The following GXYLT2 variants were observed in gnomAD, a reference collection of about 807,000 sequenced individuals.
GXYLT2 encodes the protein glycosyltransferase 8 domain containing 4.
A neutral mutation model predicts 45.8 loss-of-function variants in GXYLT2; 53 were observed. The observed-to-expected ratio is 1.16, with a 90% CI of 0.93 to 1.46. The LOEUF (loss-of-function observed/expected upper bound fraction) is 1.46, where lower values mean the gene tolerates loss of function less well. Ranked by LOEUF, GXYLT2 falls within the 40% of genes most tolerant of loss-of-function variation. The probability of loss-of-function intolerance (pLI) is 0.00; values close to 1 mark genes in which losing one functional copy is unlikely to be tolerated. For missense variants in GXYLT2, 551 were observed against 544.4 expected (o/e 1.01, Z -0.12); for synonymous variants, 219 against 214.2 (o/e 1.02, Z -0.19).
chr3:72,976,308 A>G lies in GXYLT2; in HGVS notation c.*1149A>G, dbSNP rs1044472629. 2.0e-5 allele frequency: 3 copies of G among 152,196 alleles called. No homozygotes were observed. Among genetic ancestry groups the G allele is most frequent in the Non-Finnish European group, 4.4e-5 (3 of 68,032 alleles). The allele number at this position is 152,196 out of a possible 1,614,324, so 9.4% of individuals were successfully genotyped here. A position where few individuals can be genotyped will look rare whatever the true frequency, so the allele number is the denominator to read the frequency against. On this transcript the variant is annotated 3_prime_UTR_variant, in exon 7 of 7. Transcript: ENST00000389617. ...AATCATAATACATTTCTATGCAACA[A>G]TAGCTTCTGAGAGGAAATTCAGGAA... is the stretch of plus-strand genomic sequence containing the variant.
intron 5 of GXYLT2, among the ~76,000 whole-genome samples, chr3:72,962,194 T>C (rs1427759168): frequency 2.6e-5 from 4 of 152,208 alleles, no homozygotes; most frequent in African/African-American, 9.6e-5. Context: ...CATTGTGGGA[T>C]TGACAAGCCC....
At chr3:72,962,508 G>A (rs1710788582) in intron 5 of GXYLT2, among the ~76,000 whole-genome samples, 1 of 152,160 alleles carries the variant, frequency 6.6e-6, no homozygotes, top group African/African-American at 2.4e-5. Flanking sequence ...GAAAAGAGAA[G>A]TTCAGGAGAG....
chr3:72,895,841 C>A (rs1407600506), intron 1 of GXYLT2, among the ~76,000 whole-genome samples: 1 of 152,170 alleles, frequency 6.6e-6, no homozygotes, highest in Non-Finnish European at 1.5e-5. Context: ...TGATATATTT[C>A]AAGTGACTTT....
At chr3:72,904,896 A>T (rs1277591614) in intron 1 of GXYLT2, among the ~76,000 whole-genome samples, 6 of 95,488 alleles carry the variant, frequency 6.3e-5, no homozygotes, top group South Asian at 3.9e-4. Context: ...AAAAAAAAAA[A>T]AATTAACCAG....
At chr3:72,952,945 C>A (rs182097904) in intron 3 of GXYLT2, among the ~76,000 whole-genome samples, 1 of 152,218 alleles carries the variant, frequency 6.6e-6, no homozygotes, top group Admixed American at 6.5e-5. Context: ...CAGGAAGATT[C>A]AAATCCTTCC....
At chr3:72,899,877 T>C (rs1209636750) in intron 1 of GXYLT2, among the ~76,000 whole-genome samples, 1 of 152,176 alleles carries the variant, frequency 6.6e-6, no homozygotes, top group Non-Finnish European at 1.5e-5. Context: ...TCTTCTACCA[T>C]TTTTCCCCCA....
chr3:72,898,332 C>T (rs193087786), intron 1 of GXYLT2, among the ~76,000 whole-genome samples: 23 of 152,214 alleles, frequency 1.5e-4, no homozygotes, highest in Non-Finnish European at 2.6e-4. Flanking sequence ...AATATGTAAT[C>T]CTCATCTAAT....
At chr3:72,918,688 A>G (rs2107096472) in intron 2 of GXYLT2, among the ~76,000 whole-genome samples, 1 of 152,206 alleles carries the variant, frequency 6.6e-6, no homozygotes, top group Middle Eastern at 3.4e-3. Flanking sequence ...TTAGCTGGGC[A>G]TAGTAGTGCG....
At chr3:72,915,546 A>T (rs904640294) in intron 2 of GXYLT2, among the ~76,000 whole-genome samples, 2 of 151,832 alleles carry the variant, frequency 1.3e-5, no homozygotes, top group African/African-American at 4.8e-5. Flanking sequence ...TTTTAAAGGT[A>T]TTGAGGGAGC....
rs78755440 is a variant in GXYLT2, at chr3:72,951,581, C to A, written c.601-3517C>A. ...TCACGAGGGTATTACCTCAGGCTGC[C>A]AAGACTTGAACTCAGGAATACCAGA... is the stretch of plus-strand genomic sequence containing the variant. On this transcript the variant is annotated intron_variant, in intron 3 of 6. Transcript: ENST00000389617. Among the ~76,000 whole-genome samples, 1,287 of 152,186 alleles carry A rather than the reference C, an allele frequency of 8.5e-3. 19 individuals are homozygous for A. Among genetic ancestry groups the A allele is most frequent in the African/African-American group, 0.03 (1,229 of 41,530 alleles).
Position 72,890,795 on chromosome 3 carries a change from C to A in GXYLT2, c.275+2287C>A, listed in dbSNP as rs770507602. On this transcript the variant is annotated intron_variant, in intron 1 of 6. Coordinates refer to ENST00000389617, the MANE Select transcript of GXYLT2 (RefSeq NM_001080393.2). ...GTTTCTATTTCCAGGAGTAACAGTA[C>A]CCTTGAAGCCATTTTTCTTTTGAAC... is the stretch of plus-strand genomic sequence containing the variant. Among the ~76,000 whole-genome samples the A allele has an allele frequency of 2.6e-5, 4 of 152,050 alleles. No individual in the cohort carries two copies. In the East Asian group the frequency reaches 7.7e-4, roughly 29 times the overall value.
intron 3 of GXYLT2, among the ~76,000 whole-genome samples, chr3:72,928,249 T>G (rs1360342695): frequency 6.6e-6 from 1 of 152,192 alleles, no homozygotes; most frequent in Non-Finnish European, 1.5e-5. Context: ...ATCTAAATAC[T>G]TTGGAAATTG....
At chr3:72,925,490 T>C (rs36109263) in intron 3 of GXYLT2, among the ~76,000 whole-genome samples, 10,541 of 152,124 alleles carry the variant, frequency 0.069, 405 homozygotes, top group Admixed American at 0.094. Context: ...CAGACCTTTA[T>C]ATATAATCGC....
intron 1 of GXYLT2, among the ~76,000 whole-genome samples, chr3:72,903,958 A>G (rs1369120183): frequency 1.3e-5 from 2 of 152,220 alleles, no homozygotes; most frequent in Non-Finnish European, 2.9e-5. Context: ...TCCAGGTGGT[A>G]TCACCAGAGA....
At chr3:72,951,356 A>G (rs868719621) in intron 3 of GXYLT2, among the ~76,000 whole-genome samples, 1 of 152,212 alleles carries the variant, frequency 6.6e-6, no homozygotes, top group Non-Finnish European at 1.5e-5. Flanking sequence ...ACGTGTTTTG[A>G]AGTGCTGTGA....
At chr3:72,958,043 G>A (rs1049223995) in intron 5 of GXYLT2, among the ~76,000 whole-genome samples, 7 of 152,112 alleles carry the variant, frequency 4.6e-5, no homozygotes, top group African/African-American at 1.7e-4. Flanking sequence ...GGCCAAGTTG[G>A]GCGGATCACT....
At chr3:72,960,649 C>T (rs901397699) in intron 5 of GXYLT2, among the ~76,000 whole-genome samples, 7 of 152,200 alleles carry the variant, frequency 4.6e-5, no homozygotes, top group Non-Finnish European at 1.0e-4. Context: ...GTACAGCCTG[C>T]ATTTGATCTT....
chr3:72,966,364 G>A (rs1710865948), intron 5 of GXYLT2, among the ~76,000 whole-genome samples: 1 of 143,626 alleles, frequency 7.0e-6, no homozygotes. Flanking sequence ...CTTTAATCTT[G>A]ACTCCTCTTT....
At chr3:72,944,629 T>G (rs1447087295) in intron 3 of GXYLT2, among the ~76,000 whole-genome samples, 1 of 152,136 alleles carries the variant, frequency 6.6e-6, no homozygotes, top group African/African-American at 2.4e-5. Flanking sequence ...AACTGTTGTT[T>G]GCTCTTCTCT....
Sources: allele counts gnomAD v4.1 joint callset (sites outside exome capture counted in the v4.1 genomes callset), GRCh38; gene constraint gnomAD v4.1.1; transcripts MANE v1.5; gene names NCBI Gene and HGNC (gene_info 2026-07-23, HGNC 2026-07-21).